The following KALRN variants were observed in gnomAD, a reference collection of about 807,000 sequenced individuals.
KALRN encodes the protein kalirin RhoGEF kinase, also known as kalirin.
In KALRN, 70 loss-of-function variants were observed where a neutral mutation model predicts 353.7. The observed-to-expected ratio is 0.20, with a 90% CI of 0.16 to 0.24. The LOEUF (loss-of-function observed/expected upper bound fraction) is 0.24, where lower values mean the gene tolerates loss of function less well. KALRN is among the 10% of genes least tolerant of loss of function. The probability of loss-of-function intolerance (pLI) is 1.00; values close to 1 mark genes in which losing one functional copy is unlikely to be tolerated. For synonymous variants in KALRN, 1,391 were observed against 1,434.8 expected, an observed-to-expected ratio of 0.97 and a Z score of 0.69; for missense variants, 2,791 against 3,756.7, an observed-to-expected ratio of 0.74 and a Z score of 6.72.
intron 34 of KALRN, among the ~76,000 whole-genome samples, chr3:124,579,682 G>T (rs2074440540): frequency 6.6e-6 from 1 of 152,088 alleles, no homozygotes; most frequent in Non-Finnish European, 1.5e-5. Flanking sequence ...CCCTGTATTG[G>T]CTTCATTCTC....
intron 11 of KALRN, among the ~76,000 whole-genome samples, chr3:124,391,762 C>G (rs935808205): frequency 6.6e-6 from 1 of 152,214 alleles, no homozygotes; most frequent in African/African-American, 2.4e-5. Context: ...TTTAAGTTTG[C>G]TGCCACCAGG....
In KALRN at chr3:124,109,684, C is replaced by CAT. The variant is rs1329390670; in HGVS notation, c.73+75880_73+75881dup. 1.1e-4 allele frequency among the ~76,000 whole-genome samples: 16 copies of CAT among 146,856 alleles called. No individual in the cohort carries two copies. The East Asian group carries it at 1.2e-3, about 11-fold the overall frequency. On this transcript the variant is annotated intron_variant, in intron 1 of 59. Transcript: ENST00000682506. ...CCACATGATACTTTGATATACATATCATATATATATCATACTTTGATATAT... is the reference window on the plus strand; with the variant it reads ...CCACATGATACTTTGATATACATATCATATATATATATCATACTTTGATATAT...
intron 55 of KALRN, among the ~76,000 whole-genome samples, chr3:124,698,880 T>G (rs1460943431): frequency 6.6e-6 from 1 of 152,336 alleles, no homozygotes; most frequent in East Asian, 1.9e-4. Flanking sequence ...TTCCATCTAG[T>G]TAGCAAGAAT....
intron 1 of KALRN, among the ~76,000 whole-genome samples, chr3:124,214,296 T>C (rs1257293415): frequency 6.6e-6 from 1 of 152,218 alleles, no homozygotes. Context: ...ATTTAATGCA[T>C]ATTTAATGAA....
chr3:124,298,665 A>G (rs930199070), intron 5 of KALRN, 126 bp from the exon 6 acceptor site: 3 of 1,116,030 alleles, frequency 2.7e-6, no homozygotes, highest in African/African-American at 3.1e-5. Flanking sequence ...CCCGAGACTC[A>G]GAACAATAAC....
intron 1 of KALRN, chr3:124,163,964 C>T (rs2070409287): frequency 1.0e-6 from 1 of 985,322 alleles, no homozygotes; most frequent in Non-Finnish European, 1.2e-6. Context: ...TTGAATCTAA[C>T]CTTTTCTGTG....
chr3:124,538,897 G>C (rs1263634695), intron 33 of KALRN, among the ~76,000 whole-genome samples: 1 of 152,242 alleles, frequency 6.6e-6, no homozygotes, highest in African/African-American at 2.4e-5. Context: ...TAGGTCCGGA[G>C]AGAGTCAGTG....
At chr3:124,421,871 A>T (rs1210937703) in intron 14 of KALRN, among the ~76,000 whole-genome samples, 1 of 152,188 alleles carries the variant, frequency 6.6e-6, no homozygotes, top group East Asian at 1.9e-4. Flanking sequence ...TTGGAAAAGT[A>T]TATAGGAAAA....
intron 34 of KALRN, among the ~76,000 whole-genome samples, chr3:124,582,597 AC>A (rs1305164847): frequency 7.9e-5 from 12 of 152,204 alleles, no homozygotes; most frequent in African/African-American, 2.9e-4. Context: ...ACAGGACACT[AC>A]TTTACAAGGT....
chr3:124,050,453 C>T (rs755214814), intron 1 of KALRN, among the ~76,000 whole-genome samples: 6 of 152,174 alleles, frequency 3.9e-5, no homozygotes, highest in Non-Finnish European at 8.8e-5. Context: ...CCATCCTCTC[C>T]CCTCCACACC....
chr3:124,294,520 C>CTTTTTTTTCTT (rs2076687730), intron 5 of KALRN, among the ~76,000 whole-genome samples: 1 of 73,894 alleles, frequency 1.4e-5, no homozygotes, highest in African/African-American at 5.1e-5. Flanking sequence ...AGATTCTCTT[C>CTTTTTTTTCTT]TTTTTTTTTT....
At chr3:124,534,291 C>T (rs2109212610) in intron 33 of KALRN, among the ~76,000 whole-genome samples, 1 of 152,236 alleles carries the variant, frequency 6.6e-6, no homozygotes, top group South Asian at 2.1e-4. Context: ...CCAAACACCA[C>T]ATGTTCTCAC....
chr3:124,563,860 C>T (rs771781537), intron 34 of KALRN, among the ~76,000 whole-genome samples: 67 of 151,752 alleles, frequency 4.4e-4, no homozygotes, highest in Non-Finnish European at 6.3e-4. Context: ...AAATGCAAGG[C>T]GGCACATACC....
intron 34 of KALRN, among the ~76,000 whole-genome samples, chr3:124,629,375 TAAC>T (rs577872181): frequency 2.0e-5 from 3 of 151,890 alleles, no homozygotes; most frequent in African/African-American, 7.3e-5. Context: ...AACAAAGCAG[TAAC>T]AACAACAACA....
At chr3:124,316,773 G>T (rs939132627) in intron 6 of KALRN, among the ~76,000 whole-genome samples, 2 of 152,288 alleles carry the variant, frequency 1.3e-5, no homozygotes, top group South Asian at 2.1e-4. Flanking sequence ...TCTACTAAAA[G>T]GTAAACTCTG....
chr3:124,531,498 A>G (rs2068039177), intron 33 of KALRN, among the ~76,000 whole-genome samples: 1 of 152,172 alleles, frequency 6.6e-6, no homozygotes, highest in Admixed American at 6.5e-5. Context: ...GAAATACCAG[A>G]GACTGGGTAA....
chr3:124,273,105 T>C (rs2074341542), intron 5 of KALRN, among the ~76,000 whole-genome samples: 1 of 152,214 alleles, frequency 6.6e-6, no homozygotes, highest in Admixed American at 6.5e-5. Flanking sequence ...GGTGACAGCT[T>C]GTTCCCAAGG....
intron 3 of KALRN, among the ~76,000 whole-genome samples, chr3:124,246,971 C>G (rs1484061651): frequency 6.6e-6 from 1 of 152,162 alleles, no homozygotes; most frequent in Non-Finnish European, 1.5e-5. Context: ...GGGGCTGTTT[C>G]TCTTTCCCCC....
intron 33 of KALRN, chr3:124,518,751 GCC>G: frequency 7.4e-7 from 1 of 1,355,634 alleles, no homozygotes; most frequent in Non-Finnish European, 9.5e-7. Context: ...AGGCCCAATG[GCC>G]CAATGTACTT....
Sources: gnomAD v4.1 joint callset for allele counts (sites outside exome capture counted in the v4.1 genomes callset) on GRCh38, gnomAD v4.1.1 for gene constraint, MANE v1.5 for transcripts, NCBI Gene and HGNC (gene_info 2026-07-23, HGNC 2026-07-21) for gene names.